The following PHACTR4 variants were observed in gnomAD, a reference collection of about 807,000 sequenced individuals.
PHACTR4 encodes the protein protein phosphatase 1, regulatory subunit 124.
A neutral mutation model predicts 72.7 loss-of-function variants in PHACTR4; 51 were observed. The observed-to-expected ratio is 0.70, with a 90% CI of 0.56 to 0.89. The LOEUF (loss-of-function observed/expected upper bound fraction) is 0.89, where lower values mean the gene tolerates loss of function less well. PHACTR4 is among the 40% of genes least tolerant of loss of function. The probability of loss-of-function intolerance (pLI) is 0.00; values close to 1 mark genes in which losing one functional copy is unlikely to be tolerated. For synonymous variants in PHACTR4, 255 were observed against 302.5 expected (o/e 0.84, Z 1.63); for missense variants, 731 against 861.8 (o/e 0.85, Z 1.90).
chr1:28,406,324 G>A (rs1056557881), intron 1 of PHACTR4, among the ~76,000 whole-genome samples: 4 of 152,046 alleles, frequency 2.6e-5, no homozygotes, highest in Non-Finnish European at 5.9e-5. Context: ...ACTTGGTAAT[G>A]AAGCTACAAA....
At chr1:28,380,433 G>T (rs1280085917) in intron 1 of PHACTR4, among the ~76,000 whole-genome samples, 2 of 152,088 alleles carry the variant, frequency 1.3e-5, no homozygotes, top group East Asian at 1.9e-4. Context: ...GAGGTTTGTT[G>T]TGTATATTAT....
chr1:28,400,229 C>T (rs1192544351), intron 1 of PHACTR4, among the ~76,000 whole-genome samples: 9 of 151,916 alleles, frequency 5.9e-5, no homozygotes, highest in Non-Finnish European at 7.4e-5. Flanking sequence ...AAAAATTAGC[C>T]GGGCGTCTTG....
chr1:28,431,268 G>A (rs1300489811), intron 2 of PHACTR4, among the ~76,000 whole-genome samples: 1 of 149,408 alleles, frequency 6.7e-6, no homozygotes, highest in Admixed American at 6.6e-5. Flanking sequence ...ACTTTGGGAG[G>A]CCGAGGCGGG....
intron 5 of PHACTR4, 49 bp from the exon 6 acceptor site, chr1:28,466,333 C>T: frequency 6.5e-7 from 1 of 1,540,886 alleles, no homozygotes; most frequent in Admixed American, 2.0e-5. Context: ...TTTTCAGTTT[C>T]TCTTGTTACT....
Position 28,490,584 on chromosome 1 carries a change from G to A in PHACTR4, c.1817-367G>A, listed in dbSNP as rs930118777. Among the ~76,000 whole-genome samples, 5 of 150,848 alleles carry A rather than the reference G, an allele frequency of 3.3e-5. No homozygotes were observed. The East Asian group carries it at 5.9e-4, about 18-fold the overall frequency. ...ATCTGGGCTGGGCACGGTGGCTCAC[G>A]CCTGTAATCCCAGCACTTTGGAAGG... On this transcript the variant is annotated intron_variant, in intron 10 of 13. Coordinates refer to ENST00000373839, the MANE Select transcript of PHACTR4 (RefSeq NM_001048183.3).
At chr1:28,443,226 G>C (rs1046401181) in intron 2 of PHACTR4, among the ~76,000 whole-genome samples, 1 of 149,976 alleles carries the variant, frequency 6.7e-6, no homozygotes, top group African/African-American at 2.5e-5. Flanking sequence ...AATGTCCTTA[G>C]TTCCATCCAT....
intron 13 of PHACTR4, 50 bp downstream of exon 13, chr1:28,493,141 A>C: frequency 6.6e-7 from 1 of 1,515,070 alleles, no homozygotes; most frequent in Non-Finnish European, 9.1e-7. Context: ...AGTTTTCCAA[A>C]AAATTGTTCA....
intron 2 of PHACTR4, chr1:28,458,000 C>A: frequency 6.8e-6 from 2 of 292,948 alleles, no homozygotes; most frequent in African/African-American, 2.3e-5. Context: ...TAACTAAACC[C>A]TGCATGCATG....
intron 2 of PHACTR4, among the ~76,000 whole-genome samples, chr1:28,449,573 C>G (rs532116942): frequency 6.6e-6 from 1 of 152,050 alleles, no homozygotes; most frequent in African/African-American, 2.4e-5. Context: ...AGCCAATGGC[C>G]CAGTGCTGTG....
chr1:28,491,131 G>T, intron 11 of PHACTR4, 119 bp downstream of exon 11: 1 of 991,758 alleles, frequency 1.0e-6, no homozygotes, highest in Non-Finnish European at 1.5e-6. Context: ...CACTTTGGAA[G>T]GCCATGGCAG....
chr1:28,378,278 G>T (rs1414497643), intron 1 of PHACTR4, among the ~76,000 whole-genome samples: 1 of 148,978 alleles, frequency 6.7e-6, no homozygotes, highest in East Asian at 2.0e-4. Context: ...GAGGCGGGTG[G>T]ATCACCTGAG....
intron 2 of PHACTR4, among the ~76,000 whole-genome samples, chr1:28,431,091 A>AT (rs1306525723): frequency 6.7e-6 from 1 of 150,082 alleles, no homozygotes; most frequent in Admixed American, 6.7e-5. Flanking sequence ...AGGCAGGAGA[A>AT]TGGAGTGTAT....
At chr1:28,495,359 T>G (rs1296766177) in intron 13 of PHACTR4, among the ~76,000 whole-genome samples, 1 of 152,098 alleles carries the variant, frequency 6.6e-6, no homozygotes, top group Non-Finnish European at 1.5e-5. Context: ...CCTCCCATCT[T>G]GGCCTCCCGA....
intron 1 of PHACTR4, among the ~76,000 whole-genome samples, chr1:28,382,928 G>C (rs1652297104): frequency 6.6e-6 from 1 of 152,066 alleles, no homozygotes; most frequent in African/African-American, 2.4e-5. Flanking sequence ...TGAGTAGCTG[G>C]GACTACAGGC....
chr1:28,392,283 C>T (rs973507192), intron 1 of PHACTR4, among the ~76,000 whole-genome samples: 5 of 151,998 alleles, frequency 3.3e-5, no homozygotes, highest in Non-Finnish European at 7.4e-5. Flanking sequence ...ACTTGGTTGT[C>T]AAATTAACTC....
chr1:28,463,773 C>T (rs1253133052), intron 4 of PHACTR4, among the ~76,000 whole-genome samples: 1 of 152,178 alleles, frequency 6.6e-6, no homozygotes, highest in African/African-American at 2.4e-5. Flanking sequence ...CACTCTGTCA[C>T]CCAGGCTAGA....
chr1:28,429,714 G>A (rs1258384835), intron 2 of PHACTR4, among the ~76,000 whole-genome samples: 1 of 152,202 alleles, frequency 6.6e-6, no homozygotes, highest in African/African-American at 2.4e-5. Context: ...CAAGCATTGA[G>A]AGTTTAAGGA....
chr1:28,443,916 T>G (rs375818376), intron 2 of PHACTR4, among the ~76,000 whole-genome samples: 1 of 151,966 alleles, frequency 6.6e-6, no homozygotes, highest in Admixed American at 6.6e-5. Flanking sequence ...AGTATAATGA[T>G]TTCCTTTCCT....
At chr1:28,378,427 C>T (rs964719407) in intron 1 of PHACTR4, among the ~76,000 whole-genome samples, 9 of 150,056 alleles carry the variant, frequency 6.0e-5, no homozygotes, top group Non-Finnish European at 1.0e-4. Flanking sequence ...TCCCTGAACC[C>T]GGGAGGCGGA....
Sources: gnomAD v4.1 joint callset for allele counts (sites outside exome capture counted in the v4.1 genomes callset) on GRCh38, gnomAD v4.1.1 for gene constraint, MANE v1.5 for transcripts, NCBI Gene and HGNC (gene_info 2026-07-23, HGNC 2026-07-21) for gene names.